The following ZFAND3 variants were observed in gnomAD, a reference collection of about 807,000 sequenced individuals.
ZFAND3 encodes AN1-type zinc finger protein 3.
Under a neutral mutation model 29.6 loss-of-function variants are expected in ZFAND3, and 10 were observed. That is an observed-to-expected ratio of 0.34 (90% CI 0.21 to 0.57). The LOEUF is 0.57. ZFAND3 is among the 20% of genes least tolerant of loss of function. ZFAND3 has a pLI of 0.86. For synonymous variants in ZFAND3, 128 were observed against 112.6 expected, an observed-to-expected ratio of 1.14 and a Z score of -0.87; for missense variants, 230 against 304.5, an observed-to-expected ratio of 0.76 and a Z score of 1.82.
chr6:38,109,884 A>C (rs544829065), intron 4 of ZFAND3, among the ~76,000 whole-genome samples: 1 of 152,292 alleles, frequency 6.6e-6, no homozygotes, highest in Non-Finnish European at 1.5e-5. Context: ...AGTTGGCCCC[A>C]GGAAGATTTC....
At chr6:37,853,596 T>G (rs1035911079) in intron 1 of ZFAND3, among the ~76,000 whole-genome samples, 1 of 152,134 alleles carries the variant, frequency 6.6e-6, no homozygotes, top group Admixed American at 6.5e-5. Flanking sequence ...GGAAAATGAA[T>G]TCTGAGTTCC....
intron 2 of ZFAND3, among the ~76,000 whole-genome samples, chr6:37,934,145 C>T (rs1761650608): frequency 6.6e-6 from 1 of 151,572 alleles, no homozygotes. Flanking sequence ...ACCTTGGCCT[C>T]CCAAAGTGCT....
At chr6:38,003,385 C>T (rs78806602) in intron 2 of ZFAND3, 11 of 156,098 alleles carry the variant, frequency 7.0e-5, no homozygotes, top group Admixed American at 2.5e-4. Context: ...TCCTCTATAC[C>T]GCTGTATTTT....
chr6:37,976,764 C>T (rs1299832984), intron 2 of ZFAND3, among the ~76,000 whole-genome samples: 1 of 151,966 alleles, frequency 6.6e-6, no homozygotes, highest in Non-Finnish European at 1.5e-5. Context: ...AGAGGAAGGG[C>T]CACACTTTAA....
chr6:37,857,329 A>G (rs1055298310), intron 1 of ZFAND3, among the ~76,000 whole-genome samples: 2 of 152,230 alleles, frequency 1.3e-5, no homozygotes, highest in Admixed American at 6.5e-5. Context: ...AACATATAAC[A>G]TGATAAATAC....
intron 2 of ZFAND3, among the ~76,000 whole-genome samples, chr6:37,993,158 C>T (rs1193940519): frequency 5.3e-5 from 8 of 151,664 alleles, no homozygotes; most frequent in Non-Finnish European, 1.0e-4. Context: ...AAATTTTTAT[C>T]GTTAAGAAGT....
intron 1 of ZFAND3, among the ~76,000 whole-genome samples, chr6:37,861,109 T>A (rs1335167672): frequency 6.6e-6 from 1 of 151,816 alleles, no homozygotes; most frequent in Non-Finnish European, 1.5e-5. Context: ...ATAAAAAAAT[T>A]AGCCAGGCAT....
At chr6:38,103,412 C>T (rs1197231177) in intron 4 of ZFAND3, among the ~76,000 whole-genome samples, 5 of 147,006 alleles carry the variant, frequency 3.4e-5, no homozygotes, top group East Asian at 2.0e-4. Context: ...TACACACACA[C>T]GTATATACAC....
intron 1 of ZFAND3, among the ~76,000 whole-genome samples, chr6:37,837,549 G>T (rs1475022703): frequency 2.7e-5 from 4 of 149,950 alleles, no homozygotes. Context: ...TTGTTGCCCA[G>T]GCTGGAGTGC....
chr6:37,840,590 A>G (rs76110361), intron 1 of ZFAND3, among the ~76,000 whole-genome samples: 1 of 151,996 alleles, frequency 6.6e-6, no homozygotes. Context: ...TGTCAGCTTG[A>G]TCAGCTTGTC....
At chr6:37,921,025 A>G (rs1761366331) in intron 1 of ZFAND3, among the ~76,000 whole-genome samples, 1 of 152,152 alleles carries the variant, frequency 6.6e-6, no homozygotes, top group African/African-American at 2.4e-5. Context: ...AACTGGGATG[A>G]CTTAGAGTGT....
chr6:37,946,797 A>G (rs917429351), intron 2 of ZFAND3, among the ~76,000 whole-genome samples: 1 of 152,192 alleles, frequency 6.6e-6, no homozygotes, highest in Non-Finnish European at 1.5e-5. Context: ...AACAAATACT[A>G]TTTATTCTGC....
intron 2 of ZFAND3, among the ~76,000 whole-genome samples, chr6:37,985,382 C>G (rs549638170): frequency 6.6e-6 from 1 of 152,258 alleles, no homozygotes; most frequent in South Asian, 2.1e-4. Flanking sequence ...AATCCAAGCA[C>G]TTTGGGAGGC....
intron 3 of ZFAND3, among the ~76,000 whole-genome samples, chr6:38,074,593 T>C (rs1242100981): frequency 6.6e-6 from 1 of 152,234 alleles, no homozygotes; most frequent in Non-Finnish European, 1.5e-5. Context: ...TCCATAAAAG[T>C]GCAAGGTGAA....
chr6:38,073,691 G>A (rs887483853), intron 3 of ZFAND3, among the ~76,000 whole-genome samples: 2 of 152,104 alleles, frequency 1.3e-5, no homozygotes, highest in African/African-American at 4.8e-5. Flanking sequence ...AATCGCTGTT[G>A]GACTTTATCA....
At chr6:38,028,583 A>G (rs1307740477) in intron 2 of ZFAND3, among the ~76,000 whole-genome samples, 1 of 152,218 alleles carries the variant, frequency 6.6e-6, no homozygotes, top group Non-Finnish European at 1.5e-5. Flanking sequence ...CTGCTTGATT[A>G]GATCCAGGGG....
chr6:37,968,715 C>T (rs900692962), intron 2 of ZFAND3, among the ~76,000 whole-genome samples: 1 of 152,276 alleles, frequency 6.6e-6, no homozygotes, highest in African/African-American at 2.4e-5. Context: ...TCCGCCTTCC[C>T]GCTTCCCTTT....
intron 5 of ZFAND3, among the ~76,000 whole-genome samples, chr6:38,118,538 C>T (rs60109083): frequency 0.068 from 10,270 of 150,932 alleles, 416 homozygotes; most frequent in Non-Finnish European, 0.087. Flanking sequence ...GTAACTGAAT[C>T]CTGGGTATTA....
chr6:37,820,363 T>A (rs1763642173), intron 1 of ZFAND3, among the ~76,000 whole-genome samples: 1 of 152,164 alleles, frequency 6.6e-6, no homozygotes, highest in Non-Finnish European at 1.5e-5. Flanking sequence ...GCCCCTTCCG[T>A]GGGCATGTGG....
Sources: allele counts gnomAD v4.1 joint callset (sites outside exome capture counted in the v4.1 genomes callset), GRCh38; gene constraint gnomAD v4.1.1; transcripts MANE v1.5; gene names NCBI Gene and HGNC (gene_info 2026-07-23, HGNC 2026-07-21).